The following ACSM2B variants were observed in gnomAD, a reference collection of about 807,000 sequenced individuals.
The protein encoded by ACSM2B is acyl-coenzyme A synthetase ACSM2B, mitochondrial.
Under a neutral mutation model 78.6 loss-of-function variants are expected in ACSM2B, and 58 were observed. The ratio of observed to expected loss-of-function variants is 0.74; its 90% CI spans 0.60 to 0.92. The LOEUF (loss-of-function observed/expected upper bound fraction) is 0.92. ACSM2B is among the 40% of genes least tolerant of loss of function. The pLI is 0.00. For missense variants in ACSM2B, 688 were observed against 711.2 expected (o/e 0.97, Z 0.37); for synonymous variants, 257 against 256.8 (o/e 1.00, Z -0.01).
chr16:20,560,341 G>A (rs1185873929), intron 2 of ACSM2B, among the ~76,000 whole-genome samples: 2 of 151,988 alleles, frequency 1.3e-5, no homozygotes, highest in African/African-American at 4.8e-5. Flanking sequence ...GATCATGGGG[G>A]TGGGACCCTC....
rs755921481 is a variant in ACSM2B at position 20,564,735 on chromosome 16, G to A, written c.111C>T (p.His37=). The A allele has an allele frequency of 1.2e-6, 2 of 1,613,444 alleles. No individual in the cohort carries two copies. The highest frequency in any genetic ancestry group is 1.3e-5 in the African/African-American group (1 of 74,960). ...AGTTAAACTTGGCCGGCACTTCCTG[G>A]TGGCCCCACTGCAGGGACACCAGTT... ...SRQLVSLQWG[H]QEVPAKFNFA... The change falls in exon 2 of 14, where the codon CAC becomes CAT. Residue 37 remains histidine, a synonymous_variant. Transcript: ENST00000329697.
At chr16:20,556,538 G>A (rs571113197) in intron 3 of ACSM2B, among the ~76,000 whole-genome samples, 1 of 152,136 alleles carries the variant, frequency 6.6e-6, no homozygotes, top group Non-Finnish European at 1.5e-5. Context: ...GGAGGCAAAG[G>A]TTGCAGTGAG....
rs201133371 is a variant in ACSM2B, at chr16:20,537,949, TA to T, written c.1630-588del. ...TATCAATGTACCCTAAGCAAAATTA[TA>T]ATATCTCTCCAATTTCACTATTTGC... is the stretch of plus-strand genomic sequence containing the variant. On this transcript the variant is annotated intron_variant, in intron 13 of 13. Coordinates refer to ENST00000329697, the MANE Select transcript of ACSM2B (RefSeq NM_001105069.2). Among the ~76,000 whole-genome samples, 709 of 152,272 alleles carry T rather than the reference TA, an allele frequency of 4.7e-3. 7 individuals carry two copies. Among genetic ancestry groups the T allele is most frequent in the African/African-American group, 0.015 (634 of 41,566 alleles).
In ACSM2B at chr16:20,540,656, T is replaced by C. The variant is rs769743008; in HGVS notation, c.1627A>G (p.Lys543Glu). Residue 543 changes from lysine to glutamate, a missense_variant and splice_region_variant, in exon 13 of 14, where the codon AAG becomes GAG. Physicochemically the swap from Lys to Glu is moderately conservative, Grantham distance 56. Transcript: ENST00000329697. ...SVTAPYKYPR[K>E]IEFVLNLPKT... ...ACTTGGGAGCTCAAAGGCCTTACCT[T>C]TCTTGGGTACTTGTATGGGGCTGTC... 2.5e-6 allele frequency: 4 copies of C among 1,613,868 alleles called. No homozygotes were observed. The highest frequency in any genetic ancestry group is 3.4e-6 in the Non-Finnish European group (4 of 1,179,838).
At position 20,548,391 on chromosome 16, in the gene ACSM2B, C is replaced by G. The variant is rs560930442; in HGVS notation, c.974+3G>C. 6.2e-7 allele frequency: 1 copy of G among 1,613,668 alleles called. No individual in the cohort carries two copies. The highest frequency in any genetic ancestry group is 1.1e-5 in the South Asian group (1 of 91,054). On this transcript the variant is annotated splice_donor_region_variant and intron_variant, in intron 7 of 13. Transcript: ENST00000329697. Reference sequence around the variant, plus strand: ...CTCTTACCAATCCTCAAAGCCCCATCACCTGGAAAGATCCTGCTGTAGCAA... The same window carrying G: ...CTCTTACCAATCCTCAAAGCCCCATGACCTGGAAAGATCCTGCTGTAGCAA...
intron 9 of ACSM2B, among the ~76,000 whole-genome samples, chr16:20,545,671 A>G (rs1004270930): frequency 3.9e-5 from 6 of 152,218 alleles, no homozygotes; most frequent in Non-Finnish European, 5.9e-5. Context: ...AAACAGAGAT[A>G]CTGACAGCTT....
In ACSM2B at chr16:20,547,226, T is replaced by C. The variant is rs2152134623; in HGVS notation, c.1099-752A>G. 7 of 986,492 alleles carry C rather than the reference T, an allele frequency of 7.1e-6. No individual in the cohort carries two copies. The South Asian group carries it at 1.9e-4, about 26-fold the overall frequency. 61.1% of individuals were successfully genotyped at this position (986,492 alleles called of 1,614,324 possible). Reference sequence around the variant, plus strand: ...TAAGATCATGGGAATCTGAGTGTCCTTGTAAGCATATTCTAAACATGTCCT... The same window carrying C: ...TAAGATCATGGGAATCTGAGTGTCCCTGTAAGCATATTCTAAACATGTCCT... On this transcript the variant is annotated intron_variant, in intron 8 of 13. Coordinates refer to ENST00000329697, the MANE Select transcript of ACSM2B (RefSeq NM_001105069.2).
chr16:20,554,429 C>T (rs1329368421), intron 4 of ACSM2B, among the ~76,000 whole-genome samples: 2 of 152,132 alleles, frequency 1.3e-5, no homozygotes, highest in East Asian at 1.9e-4. Flanking sequence ...TGATTTTGAA[C>T]CTTTAAAAGC....
intron 3 of ACSM2B, among the ~76,000 whole-genome samples, chr16:20,556,537 G>T (rs1044678275): frequency 7.2e-5 from 11 of 152,158 alleles, no homozygotes; most frequent in Non-Finnish European, 4.4e-5. Context: ...GGGAGGCAAA[G>T]GTTGCAGTGA....
chr16:20,566,540 T>C (rs2015852231), intron 1 of ACSM2B, among the ~76,000 whole-genome samples: 1 of 106,230 alleles, frequency 9.4e-6, no homozygotes, highest in Non-Finnish European at 1.7e-5. Flanking sequence ...ATATATACTA[T>C]ATAACTATAT....
chr16:20,556,620 G>T (rs1156457832), intron 3 of ACSM2B, among the ~76,000 whole-genome samples: 1 of 152,060 alleles, frequency 6.6e-6, no homozygotes. Context: ...AAAAGAAAAA[G>T]AAAAGAACAG....
intron 12 of ACSM2B, chr16:20,541,680 TC>T (rs59316346): frequency 0.61 from 59,477 of 97,930 alleles, 17,440 homozygotes; most frequent in Admixed American, 0.65. Context: ...TCTTTTTCTT[TC>T]TTTTTTTTTT....
chr16:20,546,353 G>A lies in ACSM2B; in HGVS notation c.1179+41C>T, dbSNP rs776425862. Reference sequence around the variant, plus strand: ...AAAACATAAATTACTGAAAATCAGTGTTTCCCCTAACTTCCTCCCTCCTCA... The same window carrying A: ...AAAACATAAATTACTGAAAATCAGTATTTCCCCTAACTTCCTCCCTCCTCA... On this transcript the variant is annotated intron_variant, in intron 9 of 13. Coordinates refer to ENST00000329697, the MANE Select transcript of ACSM2B (RefSeq NM_001105069.2). 8.4e-5 allele frequency: 132 copies of A among 1,572,202 alleles called. 1 individual carries two copies. Among genetic ancestry groups the A allele is most frequent in the Middle Eastern group, 1.7e-4 (1 of 5,880 alleles).
intron 7 of ACSM2B, 36 bp downstream of exon 7, chr16:20,548,358 G>T (rs1366421531): frequency 6.2e-7 from 1 of 1,611,974 alleles, no homozygotes; most frequent in East Asian, 2.2e-5. Flanking sequence ...GGGGGATGGG[G>T]CCAGACTCTC....
chr16:20,546,762 C>G, intron 8 of ACSM2B: 1 of 335,962 alleles, frequency 3.0e-6, no homozygotes, highest in Non-Finnish European at 5.1e-6. Context: ...TAATACGACG[C>G]TATGGATACC....
Position 20,553,922 on chromosome 16 carries a change from T to G in ACSM2B, c.597-2A>C, listed in dbSNP as rs1309721081. ...CAGTGATGAGTGGTGGATGCCTCACTGACAAAGACACAGATTGTCATTTTC... is the reference window on the plus strand; with the variant it reads ...CAGTGATGAGTGGTGGATGCCTCACGGACAAAGACACAGATTGTCATTTTC... On this transcript the variant is annotated splice_acceptor_variant, in intron 4 of 13. Transcript: ENST00000329697. LOFTEE classifies it high-confidence loss of function. The G allele has an allele frequency of 6.2e-7, 1 of 1,613,582 alleles. No homozygotes were observed. The highest frequency in any genetic ancestry group is 8.5e-7 in the Non-Finnish European group (1 of 1,179,726).
intron 8 of ACSM2B, chr16:20,547,231 A>G: frequency 2.0e-6 from 2 of 986,220 alleles, no homozygotes; most frequent in Non-Finnish European, 2.4e-6. Context: ...TGTCCTTGTA[A>G]GCATATTCTA....
chr16:20,567,106 T>C (rs2015920691), intron 1 of ACSM2B, among the ~76,000 whole-genome samples: 1 of 135,642 alleles, frequency 7.4e-6, no homozygotes, highest in Admixed American at 8.6e-5. Context: ...TATCATAATA[T>C]ATATAATAGT....
intron 4 of ACSM2B, chr16:20,554,162 G>A (rs766134408): frequency 3.0e-6 from 2 of 671,918 alleles, no homozygotes; most frequent in South Asian, 1.5e-5. Context: ...TAACTTCTCT[G>A]TGTCTCACTT....
Sources: gnomAD v4.1 joint callset for allele counts (sites outside exome capture counted in the v4.1 genomes callset) on GRCh38, gnomAD v4.1.1 for gene constraint, MANE v1.5 for transcripts, NCBI Gene and HGNC (gene_info 2026-07-23, HGNC 2026-07-21) for gene names.